The following SPAG16 variants were observed in gnomAD, a reference collection of about 807,000 sequenced individuals.
SPAG16 encodes the protein sperm-associated antigen 16 protein.
Under a neutral mutation model 80.4 loss-of-function variants are expected in SPAG16, and 86 were observed. The observed-to-expected ratio is 1.07, with a 90% CI of 0.90 to 1.28. The LOEUF (loss-of-function observed/expected upper bound fraction) is 1.28, where lower values mean the gene tolerates loss of function less well. Ranked by LOEUF, SPAG16 falls within the 50% of genes most tolerant of loss-of-function variation. The pLI, the probability that SPAG16 is intolerant of heterozygous loss-of-function variation, is 0.00. For missense variants in SPAG16, 870 were observed against 765.3 expected (o/e 1.14, Z -1.61); for synonymous variants, 294 against 265.9 (o/e 1.11, Z -1.03).
intron 15 of SPAG16, 34 bp downstream of exon 15, chr2:214,149,300 G>T: frequency 6.8e-7 from 1 of 1,473,048 alleles, no homozygotes; most frequent in Non-Finnish European, 9.0e-7. Flanking sequence ...TTCTGACTAA[G>T]CCAATAACAT....
At chr2:213,940,041 A>G (rs1285170588) in intron 12 of SPAG16, among the ~76,000 whole-genome samples, 1 of 152,206 alleles carries the variant, frequency 6.6e-6, no homozygotes, top group Admixed American at 6.5e-5. Flanking sequence ...AATTCAAGGC[A>G]TACACCTACT....
At chr2:214,346,326 G>A (rs1010639768) in intron 15 of SPAG16, among the ~76,000 whole-genome samples, 1 of 152,160 alleles carries the variant, frequency 6.6e-6, no homozygotes, top group Non-Finnish European at 1.5e-5. Context: ...TTTCTCTTAT[G>A]ACTAATGTGG....
In SPAG16 at chr2:213,823,038, G is replaced by A. The variant is rs902429601; in HGVS notation, c.1071-39447G>A. On this transcript the variant is annotated intron_variant, in intron 10 of 15. Transcript: ENST00000331683. ...GTAAGTAGTGCTGCAATAAACGTAA[G>A]TGTGCATGTGTCTTATAGTAGAATG... is the stretch of plus-strand genomic sequence containing the variant. 2.0e-5 allele frequency among the ~76,000 whole-genome samples: 3 copies of A among 152,274 alleles called. No homozygotes were observed. In the East Asian group the frequency reaches 5.8e-4, roughly 29 times the overall value.
At chr2:214,397,458 A>G (rs1389468773) in intron 15 of SPAG16, among the ~76,000 whole-genome samples, 2 of 152,014 alleles carry the variant, frequency 1.3e-5, no homozygotes, top group Non-Finnish European at 2.9e-5. Flanking sequence ...GCGCCCGGCC[A>G]TATTTTTAAA....
intron 9 of SPAG16, among the ~76,000 whole-genome samples, chr2:213,393,195 C>A (rs1195714399): frequency 2.7e-5 from 4 of 150,406 alleles, no homozygotes; most frequent in Admixed American, 2.6e-4. Context: ...ACTGAGACTG[C>A]AGTAAAAAAA....
intron 10 of SPAG16, among the ~76,000 whole-genome samples, chr2:213,838,180 C>CT (rs537966816): frequency 2.4e-4 from 37 of 151,130 alleles, no homozygotes; most frequent in East Asian, 1.5e-3. Flanking sequence ...TCTCTGATTT[C>CT]TTTTTTTTTG....
chr2:214,389,510 C>T (rs116322659), intron 15 of SPAG16, among the ~76,000 whole-genome samples: 156 of 152,290 alleles, frequency 1.0e-3, no homozygotes, highest in African/African-American at 3.6e-3. Context: ...TATTAAAGAG[C>T]AGCATGTGTC....
rs375875791 is a variant in SPAG16 at position 214,065,741 on chromosome 2, G to C, written c.1528-42455G>C. Reference sequence around the variant, plus strand: ...TGCATGTTGAAATATGTGAGGGCCTGGTTAAAATAAGAAGCCCTCTCTGTA... The same window carrying C: ...TGCATGTTGAAATATGTGAGGGCCTCGTTAAAATAAGAAGCCCTCTCTGTA... On this transcript the variant is annotated intron_variant, in intron 13 of 15. Coordinates refer to ENST00000331683, the MANE Select transcript of SPAG16 (RefSeq NM_024532.5). 3.9e-5 allele frequency among the ~76,000 whole-genome samples: 6 copies of C among 152,130 alleles called. No individual in the cohort carries two copies. The East Asian group carries it at 7.7e-4, about 20-fold the overall frequency.
intron 5 of SPAG16, among the ~76,000 whole-genome samples, chr2:213,337,043 G>A (rs2064400750): frequency 6.6e-6 from 1 of 152,190 alleles, no homozygotes; most frequent in South Asian, 2.1e-4. Context: ...GTGCTGGTCT[G>A]TAGCCTCTGC....
chr2:214,053,347 C>T (rs1445301819), intron 13 of SPAG16, among the ~76,000 whole-genome samples: 1 of 151,980 alleles, frequency 6.6e-6, no homozygotes, highest in Admixed American at 6.6e-5. Flanking sequence ...TAATTAGAAC[C>T]AAGATTGTCT....
At chr2:214,305,060 A>G (rs1351854920) in intron 15 of SPAG16, among the ~76,000 whole-genome samples, 1 of 152,200 alleles carries the variant, frequency 6.6e-6, no homozygotes, top group East Asian at 1.9e-4. Context: ...CTTTTCAATC[A>G]TAGCCATTCT....
At chr2:214,207,494 CT>C (rs1455320485) in intron 15 of SPAG16, among the ~76,000 whole-genome samples, 2 of 152,152 alleles carry the variant, frequency 1.3e-5, no homozygotes, top group Non-Finnish European at 2.9e-5. Flanking sequence ...GCTAGCAGTG[CT>C]GATCTATCTT....
intron 14 of SPAG16, among the ~76,000 whole-genome samples, chr2:214,119,365 A>G (rs551459876): frequency 6.6e-6 from 1 of 152,290 alleles, no homozygotes; most frequent in East Asian, 1.9e-4. Context: ...TTATTAAGTC[A>G]TTTTTATAAA....
rs190112818 is a variant in SPAG16 at position 214,123,225 on chromosome 2, A to G, written c.1593+14964A>G. 1.2e-3 allele frequency among the ~76,000 whole-genome samples: 175 copies of G among 152,020 alleles called. 1 individual carries two copies. Among genetic ancestry groups the G allele is most frequent in the African/African-American group, 4.1e-3 (171 of 41,534 alleles). The stretch of plus-strand genomic sequence containing the variant: ...TAGAAATCTAATACTGTAAATGACT[A>G]CAGATAAAAATGATACATTTAAGAT... On this transcript the variant is annotated intron_variant, in intron 14 of 15. Coordinates refer to ENST00000331683, the MANE Select transcript of SPAG16 (RefSeq NM_024532.5).
chr2:213,812,886 T>A (rs1211695820), intron 10 of SPAG16, among the ~76,000 whole-genome samples: 7 of 152,052 alleles, frequency 4.6e-5, no homozygotes, highest in Non-Finnish European at 1.0e-4. Context: ...GAGTTTCAGA[T>A]AACCTGAAAG....
At chr2:214,019,945 ATATAAC>A (rs1322773102) in intron 13 of SPAG16, among the ~76,000 whole-genome samples, 5 of 152,162 alleles carry the variant, frequency 3.3e-5, no homozygotes, top group Non-Finnish European at 7.3e-5. Context: ...TATATATTCT[ATATAAC>A]TATAGCTTTG....
intron 15 of SPAG16, among the ~76,000 whole-genome samples, chr2:214,178,198 G>A (rs1010892582): frequency 4.7e-5 from 7 of 149,928 alleles, no homozygotes; most frequent in African/African-American, 1.5e-4. Context: ...AGAATAAAAC[G>A]TTCTTATTTG....
intron 6 of SPAG16, among the ~76,000 whole-genome samples, chr2:213,342,241 G>A (rs1050103341): frequency 1.2e-4 from 18 of 149,904 alleles, no homozygotes; most frequent in African/African-American, 4.2e-4. Flanking sequence ...AATGTTTATG[G>A]AGATTATAGT....
At chr2:214,087,317 A>G (rs1436233622) in intron 13 of SPAG16, among the ~76,000 whole-genome samples, 1 of 152,158 alleles carries the variant, frequency 6.6e-6, no homozygotes, top group Non-Finnish European at 1.5e-5. Context: ...TATTATGTAA[A>G]AAAGTGATGG....
Sources: allele counts gnomAD v4.1 joint callset (sites outside exome capture counted in the v4.1 genomes callset), GRCh38; gene constraint gnomAD v4.1.1; transcripts MANE v1.5; gene names NCBI Gene and HGNC (gene_info 2026-07-23, HGNC 2026-07-21).